The following DNAH3 variants were observed in gnomAD, a reference collection of about 807,000 sequenced individuals.
DNAH3 encodes the protein axonemal beta dynein heavy chain 3.
A neutral mutation model predicts 432.5 loss-of-function variants in DNAH3; 332 were observed. The observed-to-expected ratio is 0.77, with a 90% CI of 0.70 to 0.84. The LOEUF is 0.84. DNAH3 is among the 40% of genes least tolerant of loss of function. The probability of loss-of-function intolerance (pLI) is 0.00; values close to 1 mark genes in which losing one functional copy is unlikely to be tolerated. For synonymous variants in DNAH3, 1,956 were observed against 1,900.2 expected, an observed-to-expected ratio of 1.03 and a Z score of -0.76; for missense variants, 4,861 against 5,114.0, an observed-to-expected ratio of 0.95 and a Z score of 1.51.
chr16:21,086,445 G>A (rs1370309189), intron 19 of DNAH3, among the ~76,000 whole-genome samples: 2 of 152,146 alleles, frequency 1.3e-5, no homozygotes, highest in Non-Finnish European at 2.9e-5. Context: ...CAACCCCCAG[G>A]GAGAGATGTG....
chr16:21,052,919 G>A (rs2090007209), intron 28 of DNAH3, among the ~76,000 whole-genome samples: 1 of 152,184 alleles, frequency 6.6e-6, no homozygotes, highest in African/African-American at 2.4e-5. Flanking sequence ...CTGGGGGCCT[G>A]AGAAACCAGC....
chr16:20,944,513 T>C, exon 58 of DNAH3: 1 of 1,614,154 alleles, frequency 6.2e-7, no homozygotes, highest in Non-Finnish European at 8.5e-7. Flanking sequence ...GACTTGCCAC[T>C]TCCTCCTGAC....
At chr16:21,083,345 G>C (rs2091259706) in intron 19 of DNAH3, among the ~76,000 whole-genome samples, 1 of 152,146 alleles carries the variant, frequency 6.6e-6, no homozygotes, top group Non-Finnish European at 1.5e-5. Flanking sequence ...TAATGACTCA[G>C]AAAGCACAAA....
exon 19 of DNAH3, chr16:21,087,030 A>G (rs928780312): frequency 6.2e-7 from 1 of 1,614,100 alleles, no homozygotes; most frequent in Non-Finnish European, 8.5e-7. Flanking sequence ...CTCCTCCGCA[A>G]TTTGCTCAGC....
At chr16:21,025,723 T>C (rs2088516446) in intron 38 of DNAH3, among the ~76,000 whole-genome samples, 1 of 151,676 alleles carries the variant, frequency 6.6e-6, no homozygotes, top group South Asian at 2.1e-4. Flanking sequence ...TTCACTCTTT[T>C]GTTGTTGTTG....
At chr16:20,940,591 C>CTT (rs747399793) in intron 59 of DNAH3, among the ~76,000 whole-genome samples, 3 of 139,650 alleles carry the variant, frequency 2.1e-5, no homozygotes, top group Non-Finnish European at 3.1e-5. Flanking sequence ...CCATGCCTGC[C>CTT]TTTTTTTTTT....
chr16:21,046,409 G>C (rs1340099261), intron 31 of DNAH3, among the ~76,000 whole-genome samples: 1 of 151,192 alleles, frequency 6.6e-6, no homozygotes, highest in Non-Finnish European at 1.5e-5. Context: ...TTGTTGAATT[G>C]ATCCCTTTAC....
At chr16:20,975,682 G>A (rs185411592) in intron 50 of DNAH3, among the ~76,000 whole-genome samples, 7 of 152,250 alleles carry the variant, frequency 4.6e-5, no homozygotes, top group African/African-American at 1.2e-4. Context: ...TTTAAAAACC[G>A]TTTCCTCCCT....
intron 38 of DNAH3, among the ~76,000 whole-genome samples, chr16:21,026,439 C>A (rs774396830): frequency 3.3e-5 from 5 of 152,050 alleles, no homozygotes; most frequent in Non-Finnish European, 7.4e-5. Context: ...CACGGTGGCT[C>A]ATGCCTGTAA....
At chr16:21,122,802 G>GT (rs111436439) in intron 9 of DNAH3, among the ~76,000 whole-genome samples, 5,701 of 148,130 alleles carry the variant, frequency 0.038, 171 homozygotes, top group East Asian at 0.17. Context: ...TACTTCCTCT[G>GT]TTTTTTTTTT....
chr16:21,053,530 T>C (rs2090029491), intron 28 of DNAH3, among the ~76,000 whole-genome samples: 2 of 152,154 alleles, frequency 1.3e-5, no homozygotes, highest in Non-Finnish European at 2.9e-5. Context: ...CACACTGGGG[T>C]ACCCTGGGCA....
In DNAH3 at chr16:20,967,208, C is replaced by T. The variant is rs79675169; in HGVS notation, c.8459-1783G>A. ...TGCTTCATTTAGATTCAAGGTACCC[C>T]GAACTAACTCAATTGCTCTTTTGCT... On this transcript the variant is annotated intron_variant, in intron 52 of 61. Transcript: ENST00000261383. Among the ~76,000 whole-genome samples, 31 of 152,248 alleles carry T rather than the reference C, an allele frequency of 2.0e-4. 2 individuals are homozygous for T. The East Asian group carries it at 6.0e-3, about 29-fold the overall frequency.
At chr16:21,114,586 T>C (rs140371957) in intron 12 of DNAH3, among the ~76,000 whole-genome samples, 16 of 152,252 alleles carry the variant, frequency 1.1e-4, no homozygotes, top group African/African-American at 3.9e-4. Context: ...GGGCGAAGGA[T>C]ATGAACAGAC....
At chr16:21,020,606 T>G (rs940439965) in intron 40 of DNAH3, among the ~76,000 whole-genome samples, 5 of 148,728 alleles carry the variant, frequency 3.4e-5, no homozygotes, top group Admixed American at 2.0e-4. Flanking sequence ...TTTTACTGTG[T>G]TGTTGGCCAG....
chr16:21,154,049 T>C (rs2092882637), intron 1 of DNAH3, among the ~76,000 whole-genome samples: 1 of 152,224 alleles, frequency 6.6e-6, no homozygotes, highest in Non-Finnish European at 1.5e-5. Context: ...TCAGGTCTCC[T>C]ATACTGGGTG....
chr16:21,066,722 G>A (rs1396522725), intron 24 of DNAH3, among the ~76,000 whole-genome samples: 1 of 151,618 alleles, frequency 6.6e-6, no homozygotes, highest in Non-Finnish European at 1.5e-5. Flanking sequence ...GTTCTTGTGT[G>A]GAAAAAAAGA....
intron 37 of DNAH3, 83 bp downstream of exon 37, chr16:21,030,962 T>G: frequency 7.2e-7 from 1 of 1,388,588 alleles, no homozygotes; most frequent in Non-Finnish European, 1.0e-6. Flanking sequence ...TGTATGTCTC[T>G]ATATAGTTTT....
intron 20 of DNAH3, among the ~76,000 whole-genome samples, chr16:21,080,815 A>T (rs1412219350): frequency 1.3e-5 from 2 of 152,218 alleles, no homozygotes; most frequent in Non-Finnish European, 2.9e-5. Context: ...TAGGGTCCTG[A>T]GAAGCTCTGT....
chr16:21,132,271 A>T (rs1467517537), intron 7 of DNAH3, among the ~76,000 whole-genome samples: 3 of 152,210 alleles, frequency 2.0e-5, no homozygotes, highest in Non-Finnish European at 4.4e-5. Flanking sequence ...AAAGCTAGAG[A>T]TCCTCCCAAA....
Sources: gnomAD v4.1 joint callset for allele counts (sites outside exome capture counted in the v4.1 genomes callset) on GRCh38, gnomAD v4.1.1 for gene constraint, MANE v1.5 for transcripts, NCBI Gene and HGNC (gene_info 2026-07-23, HGNC 2026-07-21) for gene names.